CCDC171: variants seen among roughly 807,000 people sequenced by gnomAD.
CCDC171 encodes coiled-coil domain containing 171, also known as coiled-coil domain-containing protein 171.
CCDC171 carries 177 observed loss-of-function variants against 168.2 expected under a neutral mutation model. The ratio of observed to expected loss-of-function variants is 1.05; its 90% confidence interval spans 0.93 to 1.19. The LOEUF (loss-of-function observed/expected upper bound fraction) is 1.19. Ranked by LOEUF, CCDC171 falls within the 50% of genes most tolerant of loss-of-function variation. CCDC171 has a pLI of 0.00. For synonymous variants in CCDC171, 687 were observed against 540.8 expected, an observed-to-expected ratio of 1.27 and a Z score of -3.75; for missense variants, 1,991 against 1,539.0, an observed-to-expected ratio of 1.29 and a Z score of -4.91.
At chr9:15,663,807 C>T (rs962829618) in intron 8 of CCDC171, among the ~76,000 whole-genome samples, 24 of 151,980 alleles carry the variant, frequency 1.6e-4, no homozygotes, top group Non-Finnish European at 1.0e-4. Flanking sequence ...GGGGTTTCAC[C>T]GTGTTAGCCA....
the CCDC171 span, among the ~76,000 whole-genome samples, chr9:16,084,050 C>G: frequency 6.6e-6 from 1 of 152,190 alleles, no homozygotes; most frequent in South Asian, 2.1e-4. Context: ...CAGAATATCC[C>G]ATTGAGTGAA....
intron 4 of CCDC171, among the ~76,000 whole-genome samples, chr9:15,579,664 A>G (rs747561468): frequency 6.6e-6 from 1 of 152,186 alleles, no homozygotes; most frequent in East Asian, 1.9e-4. Flanking sequence ...GATGACTACT[A>G]TACTGGTTTT....
At chr9:15,997,240 A>T (rs746858989) in intron 3 of CCDC171, among the ~76,000 whole-genome samples, 1 of 152,122 alleles carries the variant, frequency 6.6e-6, no homozygotes, top group African/African-American at 2.4e-5. Context: ...CCAAACCAAC[A>T]TGGAGCTCTA....
chr9:15,897,609 G>C (rs1363589852), intron 24 of CCDC171, among the ~76,000 whole-genome samples: 1 of 152,104 alleles, frequency 6.6e-6, no homozygotes, highest in South Asian at 2.1e-4. Context: ...ACTTATTAAT[G>C]ATTGTGAGAT....
chr9:15,730,467 T>G (rs535216469), intron 16 of CCDC171, among the ~76,000 whole-genome samples: 92 of 152,022 alleles, frequency 6.1e-4, no homozygotes, highest in Non-Finnish European at 9.9e-4. Context: ...TAGGGTATAC[T>G]TTTTTGGCAT....
chr9:15,994,563 A>T (rs567346486), intron 3 of CCDC171, among the ~76,000 whole-genome samples: 1 of 152,326 alleles, frequency 6.6e-6, no homozygotes, highest in South Asian at 2.1e-4. Context: ...GTGCACATGT[A>T]CCCTAGAACT....
At chr9:15,557,015 T>A (rs1222756300) in intron 1 of CCDC171, among the ~76,000 whole-genome samples, 1 of 152,184 alleles carries the variant, frequency 6.6e-6, no homozygotes, top group Non-Finnish European at 1.5e-5. Context: ...CCCCATTGCT[T>A]GTTTTTGTCA....
At position 15,972,378 on chromosome 9, in the gene CCDC171, C is replaced by A. The variant is rs774238666; in HGVS notation, c.*542C>A. The stretch of plus-strand genomic sequence containing the variant: ...AGAAATGATGTGACTGCTTCTCCTC[C>A]TGCACAATAATGTCACTCCTGGTCA... On this transcript the variant is annotated 3_prime_UTR_variant, in exon 26 of 26. Transcript: ENST00000380701. 3.9e-5 allele frequency: 6 copies of A among 154,688 alleles called. No individual in the cohort carries two copies. The highest frequency in any genetic ancestry group is 8.6e-5 in the Non-Finnish European group (6 of 69,920). 9.6% of individuals were successfully genotyped at this position (154,688 alleles called of 1,614,324 possible). A position where few individuals can be genotyped will look rare whatever the true frequency, so the allele number is the denominator to read the frequency against.
intron 18 of CCDC171, among the ~76,000 whole-genome samples, chr9:15,767,907 T>A (rs1444326394): frequency 9.3e-6 from 1 of 107,574 alleles, no homozygotes; most frequent in East Asian, 3.1e-4. Flanking sequence ...AAAATTTTTT[T>A]AATTTTTAGT....
At chr9:15,793,349 A>G (rs2058371462) in intron 21 of CCDC171, among the ~76,000 whole-genome samples, 2 of 152,066 alleles carry the variant, frequency 1.3e-5, no homozygotes, top group African/African-American at 2.4e-5. Flanking sequence ...CTACAAAGAG[A>G]CTTAGACTCC....
intron 23 of CCDC171, among the ~76,000 whole-genome samples, chr9:15,861,034 T>C (rs2061535557): frequency 9.3e-6 from 1 of 107,210 alleles, no homozygotes; most frequent in Non-Finnish European, 1.9e-5. Context: ...ATTCTTTGTC[T>C]CTCCTGACAG....
chr9:16,046,184 G>C (rs1270737090), intron 1 of CCDC171, among the ~76,000 whole-genome samples: 1 of 152,166 alleles, frequency 6.6e-6, no homozygotes, highest in African/African-American at 2.4e-5. Flanking sequence ...AGGGCAGAAT[G>C]CTTTAGAAAG....
chr9:15,706,966 C>G (rs1366685405), intron 11 of CCDC171, among the ~76,000 whole-genome samples: 1 of 152,156 alleles, frequency 6.6e-6, no homozygotes, highest in Non-Finnish European at 1.5e-5. Flanking sequence ...TTTTTCCTCC[C>G]CCCTTTCCTG....
intron 24 of CCDC171, among the ~76,000 whole-genome samples, chr9:15,907,747 G>T (rs554747892): frequency 8.5e-5 from 13 of 152,236 alleles, no homozygotes; most frequent in African/African-American, 3.1e-4. Flanking sequence ...GAAAATTTTC[G>T]CAATCTAGTC....
intron 7 of CCDC171, among the ~76,000 whole-genome samples, chr9:15,633,028 G>A (rs2045870699): frequency 6.6e-6 from 1 of 152,096 alleles, no homozygotes; most frequent in Non-Finnish European, 1.5e-5. Flanking sequence ...AATTCAAGAT[G>A]GATTAAAGAC....
At chr9:16,070,694 C>T in the CCDC171 span, among the ~76,000 whole-genome samples, 4 of 152,158 alleles carry the variant, frequency 2.6e-5, no homozygotes, top group South Asian at 4.1e-4. Context: ...GGCCAAGTGC[C>T]GTGGGGCCTC....
At chr9:15,657,681 G>C (rs1437784850) in intron 8 of CCDC171, among the ~76,000 whole-genome samples, 1 of 152,152 alleles carries the variant, frequency 6.6e-6, no homozygotes. Flanking sequence ...AGCTCCTTTT[G>C]TAACTTACAT....
intron 7 of CCDC171, among the ~76,000 whole-genome samples, chr9:15,634,399 G>A (rs1286026489): frequency 2.0e-5 from 3 of 152,126 alleles, no homozygotes; most frequent in African/African-American, 7.2e-5. Context: ...ATGGAAGAAG[G>A]AAATGGAGGA....
At chr9:15,839,851 T>C (rs966883280) in intron 21 of CCDC171, among the ~76,000 whole-genome samples, 5 of 152,128 alleles carry the variant, frequency 3.3e-5, no homozygotes, top group African/African-American at 1.2e-4. Context: ...AGTAGTAAAA[T>C]ACTTAATGCA....
Sources: gnomAD v4.1 joint callset for allele counts (sites outside exome capture counted in the v4.1 genomes callset) on GRCh38, gnomAD v4.1.1 for gene constraint, MANE v1.5 for transcripts, NCBI Gene and HGNC (gene_info 2026-07-23, HGNC 2026-07-21) for gene names.